The following NMNAT1 variants were observed in gnomAD, a reference collection of about 807,000 sequenced individuals.
NMNAT1 encodes nicotinamide/nicotinic acid mononucleotide adenylyltransferase 1.
NMNAT1 carries 11 observed loss-of-function variants against 16.7 expected under a neutral mutation model. That is an observed-to-expected ratio of 0.66 (90% CI 0.41 to 1.09). The LOEUF is 1.09. Among genes scored for constraint, NMNAT1 ranks in the 50% least tolerant of loss-of-function variants. The pLI is 0.00. For missense variants in NMNAT1, 280 were observed against 332.3 expected, an observed-to-expected ratio of 0.84 and a Z score of 1.22; for synonymous variants, 110 against 119.8, an observed-to-expected ratio of 0.92 and a Z score of 0.53.
At chr1:9,962,355 G>A (rs1428050543) in intron 1 of NMNAT1, among the ~76,000 whole-genome samples, 6 of 151,490 alleles carry the variant, frequency 4.0e-5, no homozygotes, top group South Asian at 4.2e-4. Context: ...AGTGGTGGGC[G>A]CCTGCAGTCC....
chr1:9,970,188 A>G (rs1351778782), intron 1 of NMNAT1, among the ~76,000 whole-genome samples: 4 of 152,134 alleles, frequency 2.6e-5, no homozygotes, highest in Non-Finnish European at 4.4e-5. Flanking sequence ...CATAAAGTCA[A>G]TGGGCACTGT....
downstream of NMNAT1, among the ~76,000 whole-genome samples, chr1:9,990,226 A>C: frequency 6.6e-6 from 1 of 152,234 alleles, no homozygotes; most frequent in South Asian, 2.1e-4. Context: ...GGCAGAATGG[A>C]AGGTGTGTAG....
downstream of NMNAT1, among the ~76,000 whole-genome samples, chr1:9,988,296 AAGT>A (rs1422838279): frequency 1.3e-5 from 2 of 151,960 alleles, no homozygotes; most frequent in Non-Finnish European, 1.5e-5. Context: ...CACCCAACCA[AAGT>A]AGTATTTTAT....
intron 1 of NMNAT1, among the ~76,000 whole-genome samples, chr1:9,953,321 G>A (rs1302004913): frequency 6.7e-6 from 1 of 149,176 alleles, no homozygotes; most frequent in Non-Finnish European, 1.5e-5. Context: ...TCTGTTGCCA[G>A]GCTGGAGTAC....
intron 1 of NMNAT1, among the ~76,000 whole-genome samples, chr1:9,966,821 G>C (rs1641555822): frequency 6.6e-6 from 1 of 151,996 alleles, no homozygotes; most frequent in Non-Finnish European, 1.5e-5. Context: ...AGTAAAAGCA[G>C]GTTACACATA....
chr1:9,980,105 A>AT (rs948978833), intron 3 of NMNAT1, among the ~76,000 whole-genome samples: 1 of 151,152 alleles, frequency 6.6e-6, no homozygotes, highest in African/African-American at 2.4e-5. Flanking sequence ...CTAATTTTCT[A>AT]TTTTTAGCAG....
At chr1:9,950,641 C>G (rs893070091) in intron 1 of NMNAT1, 3 of 152,248 alleles carry the variant, frequency 2.0e-5, no homozygotes, top group Admixed American at 1.3e-4. Context: ...CCAGGCCTGA[C>G]AAAAGCACTA....
chr1:9,947,660 C>T (rs1286681670), intron 1 of NMNAT1: 1 of 152,208 alleles, frequency 6.6e-6, no homozygotes, highest in Admixed American at 6.6e-5. Flanking sequence ...AGGCCAAAAA[C>T]TTTTGGAGTC....
At chr1:9,955,789 A>G (rs1641244501) in intron 1 of NMNAT1, 1 of 152,162 alleles carries the variant, frequency 6.6e-6, no homozygotes, top group South Asian at 2.1e-4. Context: ...GTAGATACTT[A>G]ATAAATGCTT....
intron 1 of NMNAT1, among the ~76,000 whole-genome samples, chr1:9,953,968 G>A (rs1331844387): frequency 1.3e-5 from 2 of 150,872 alleles, no homozygotes; most frequent in African/African-American, 4.9e-5. Flanking sequence ...ATCATGCCCA[G>A]CTAATTTTTG....
At chr1:9,955,027 G>C (rs184483116) in intron 1 of NMNAT1, among the ~76,000 whole-genome samples, 1 of 152,172 alleles carries the variant, frequency 6.6e-6, no homozygotes, top group Non-Finnish European at 1.5e-5. Context: ...GCTCACGCCT[G>C]TAATCCCAGC....
chr1:9,960,302 A>G (rs1313478618), intron 1 of NMNAT1, among the ~76,000 whole-genome samples: 2 of 144,418 alleles, frequency 1.4e-5, no homozygotes, highest in Non-Finnish European at 1.5e-5. Flanking sequence ...AACAAAAACA[A>G]AAACAAAAAA....
Position 9,981,208 on chromosome 1 carries a change from A to G in NMNAT1, c.439+38A>G, listed in dbSNP as rs201650763. 53 of 1,584,438 alleles carry G rather than the reference A, an allele frequency of 3.3e-5. 1 individual carries two copies. In the South Asian group the frequency reaches 5.0e-4, roughly 15 times the overall value. On this transcript the variant is annotated intron_variant, in intron 4 of 4. Coordinates refer to ENST00000377205, the MANE Select transcript of NMNAT1 (RefSeq NM_022787.4). ...TAGCAGGACCCACGGACTAGAGTTG[A>G]TAAGATTCTGTAGCTGAGCAAACCC...
Position 9,945,545 on chromosome 1 carries a change from A to G in NMNAT1, c.-57+2030A>G, listed in dbSNP as rs560372513. Among the ~76,000 whole-genome samples, 4 of 152,084 alleles carry G rather than the reference A, an allele frequency of 2.6e-5. No individual in the cohort carries two copies. The East Asian group carries it at 7.8e-4, about 29-fold the overall frequency. ...GAAACCCTGTCTCTACTAAAAATAC[A>G]AAAAATTAGCTGTGCATGGTGGCGT... On this transcript the variant is annotated intron_variant, in intron 1 of 4. Coordinates refer to ENST00000377205, the MANE Select transcript of NMNAT1 (RefSeq NM_022787.4).
At chr1:9,949,115 C>A (rs1354247876) in intron 1 of NMNAT1, among the ~76,000 whole-genome samples, 1 of 150,722 alleles carries the variant, frequency 6.6e-6, no homozygotes, top group Non-Finnish European at 1.5e-5. Flanking sequence ...ACTAAAAATA[C>A]AAAAATTAGC....
downstream of NMNAT1, among the ~76,000 whole-genome samples, chr1:9,990,254 G>A (rs1170878944): frequency 6.6e-6 from 1 of 152,156 alleles, no homozygotes; most frequent in Non-Finnish European, 1.5e-5. Context: ...GGTGCTGTGA[G>A]TCAACACTGT....
intron 3 of NMNAT1, among the ~76,000 whole-genome samples, chr1:9,978,014 C>G (rs756099534): frequency 1.3e-5 from 2 of 152,152 alleles, no homozygotes; most frequent in Non-Finnish European, 2.9e-5. Context: ...ACTCCAGCGT[C>G]TAGCCACCAC....
chr1:9,996,248 TTGCAGTGAGCCGAGATCTCTCCACTGCAC>T, the NMNAT1 span, among the ~76,000 whole-genome samples: 1 of 149,766 alleles, frequency 6.7e-6, no homozygotes, highest in Admixed American at 6.7e-5. Flanking sequence ...GAGGCGGAGC[TTGCAGTGAGCCGAGATCTCTCCACTGCAC>T]TCCAGCCTGG....
intron 1 of NMNAT1, among the ~76,000 whole-genome samples, chr1:9,968,080 G>GTTTTTGTTTTTT (rs1553126653): frequency 1.7e-5 from 2 of 117,806 alleles, no homozygotes; most frequent in African/African-American, 5.9e-5. Context: ...TTTTTTTTTT[G>GTTTTTGTTTTTT]TTTTTTTTTG....
Sources: allele counts gnomAD v4.1 joint callset (sites outside exome capture counted in the v4.1 genomes callset), GRCh38; gene constraint gnomAD v4.1.1; transcripts MANE v1.5; gene names NCBI Gene and HGNC (gene_info 2026-07-23, HGNC 2026-07-21).